Variants in ARHGAP42 observed in about 807,000 individuals in gnomAD.
The protein encoded by ARHGAP42 is rho GTPase-activating protein 42.
Under a neutral mutation model 125.0 loss-of-function variants are expected in ARHGAP42, and 63 were observed. That is an observed-to-expected ratio of 0.50 (90% CI 0.41 to 0.62). The LOEUF is 0.62. ARHGAP42 is among the 20% of genes least tolerant of loss of function. The pLI, the probability that ARHGAP42 is intolerant of heterozygous loss-of-function variation, is 0.00. For missense variants in ARHGAP42, 766 were observed against 1,024.2 expected, an observed-to-expected ratio of 0.75 and a Z score of 3.44; for synonymous variants, 339 against 351.0, an observed-to-expected ratio of 0.97 and a Z score of 0.38.
chr11:100,758,818 T>G (rs576484403), intron 1 of ARHGAP42, among the ~76,000 whole-genome samples: 1 of 152,292 alleles, frequency 6.6e-6, no homozygotes, highest in South Asian at 2.1e-4. Flanking sequence ...TTGCAGAGCT[T>G]AAGTAACCTA....
intron 17 of ARHGAP42, among the ~76,000 whole-genome samples, chr11:100,971,558 G>A (rs1858249399): frequency 6.6e-6 from 1 of 152,094 alleles, no homozygotes; most frequent in South Asian, 2.1e-4. Flanking sequence ...TCAATAAAAA[G>A]AAAATCAGTC....
At chr11:100,956,423 T>C (rs771093431) in intron 12 of ARHGAP42, among the ~76,000 whole-genome samples, 1 of 152,122 alleles carries the variant, frequency 6.6e-6, no homozygotes, top group Non-Finnish European at 1.5e-5. Context: ...GAACTTGAGT[T>C]GATAGAGAAG....
chr11:100,810,990 G>C (rs1226910284), intron 3 of ARHGAP42, among the ~76,000 whole-genome samples: 2 of 152,058 alleles, frequency 1.3e-5, no homozygotes, highest in African/African-American at 2.4e-5. Context: ...GAGTCTCACT[G>C]TGTTACCCCG....
At chr11:100,860,533 GCA>G (rs1465947831) in intron 4 of ARHGAP42, among the ~76,000 whole-genome samples, 2 of 151,968 alleles carry the variant, frequency 1.3e-5, no homozygotes, top group African/African-American at 2.4e-5. Flanking sequence ...CCACCAGCAG[GCA>G]CAGTTTTCTG....
chr11:100,811,869 G>A (rs1397244638), intron 3 of ARHGAP42, among the ~76,000 whole-genome samples: 2 of 152,102 alleles, frequency 1.3e-5, no homozygotes, highest in African/African-American at 4.8e-5. Flanking sequence ...TTAGCCCTGA[G>A]TTCACTACCT....
At chr11:100,845,076 G>GAT (rs148986702) in intron 3 of ARHGAP42, among the ~76,000 whole-genome samples, 2,328 of 148,434 alleles carry the variant, frequency 0.016, 22 homozygotes, top group African/African-American at 0.019. Flanking sequence ...AAGAAACTGT[G>GAT]ATATATATAT....
chr11:100,787,448 T>G (rs1863463598), intron 2 of ARHGAP42, among the ~76,000 whole-genome samples: 1 of 152,174 alleles, frequency 6.6e-6, no homozygotes, highest in East Asian at 1.9e-4. Context: ...AATTACCCAG[T>G]CTCATGTAGT....
intron 2 of ARHGAP42, among the ~76,000 whole-genome samples, chr11:100,785,664 C>T (rs1261836657): frequency 1.3e-5 from 2 of 152,092 alleles, no homozygotes; most frequent in African/African-American, 4.8e-5. Flanking sequence ...GAGGTCAGTT[C>T]CTGATGGCAG....
chr11:100,726,324 A>T (rs995946908), intron 1 of ARHGAP42, among the ~76,000 whole-genome samples: 1 of 152,078 alleles, frequency 6.6e-6, no homozygotes, highest in African/African-American at 2.4e-5. Flanking sequence ...TTACATGTGG[A>T]GATACTGGTG....
At chr11:100,890,434 A>T (rs1866190031) in intron 4 of ARHGAP42, among the ~76,000 whole-genome samples, 1 of 152,176 alleles carries the variant, frequency 6.6e-6, no homozygotes, top group African/African-American at 2.4e-5. Context: ...AATTTACAAG[A>T]AGTTACCTCA....
At chr11:100,776,379 A>T (rs1863120742) in intron 2 of ARHGAP42, among the ~76,000 whole-genome samples, 1 of 152,170 alleles carries the variant, frequency 6.6e-6, no homozygotes, top group Non-Finnish European at 1.5e-5. Context: ...TCAAGAGATT[A>T]AACATTTACC....
At chr11:100,978,748 T>C (rs1045278198) in intron 21 of ARHGAP42, among the ~76,000 whole-genome samples, 3 of 152,142 alleles carry the variant, frequency 2.0e-5, no homozygotes, top group African/African-American at 7.2e-5. Context: ...AGGATGAGGA[T>C]AGTAAGATCC....
chr11:100,717,680 CT>C (rs1386247195), intron 1 of ARHGAP42, among the ~76,000 whole-genome samples: 1 of 142,416 alleles, frequency 7.0e-6, no homozygotes, highest in Non-Finnish European at 1.5e-5. Flanking sequence ...AATTCCAGCA[CT>C]TTGGGAGGCT....
intron 1 of ARHGAP42, among the ~76,000 whole-genome samples, chr11:100,757,875 A>G (rs1391743909): frequency 6.6e-6 from 1 of 152,196 alleles, no homozygotes; most frequent in Non-Finnish European, 1.5e-5. Flanking sequence ...AGGATGAGGC[A>G]TGATGCCAGC....
chr11:100,942,323 C>A (rs761439899), intron 9 of ARHGAP42, among the ~76,000 whole-genome samples: 1 of 152,106 alleles, frequency 6.6e-6, no homozygotes, highest in Non-Finnish European at 1.5e-5. Flanking sequence ...ATACTGTTAA[C>A]CAAAATGCTG....
chr11:100,704,492 C>G (rs1861446792), intron 1 of ARHGAP42, among the ~76,000 whole-genome samples: 1 of 152,162 alleles, frequency 6.6e-6, no homozygotes, highest in Non-Finnish European at 1.5e-5. Flanking sequence ...CTCTTGGGTG[C>G]ACAGCCTTTT....
chr11:100,869,166 A>G (rs1004406364), intron 4 of ARHGAP42, among the ~76,000 whole-genome samples: 15 of 152,082 alleles, frequency 9.9e-5, no homozygotes, highest in Non-Finnish European at 1.9e-4. Context: ...AGGCATCTAG[A>G]TGAACATTAC....
chr11:100,986,899 C>T (rs1858692055), intron 22 of ARHGAP42, among the ~76,000 whole-genome samples: 2 of 151,532 alleles, frequency 1.3e-5, no homozygotes, highest in Non-Finnish European at 2.9e-5. Flanking sequence ...CATATAGTGA[C>T]AGAGGTTGGG....
chr11:100,732,862 T>G (rs1015887608), intron 1 of ARHGAP42, among the ~76,000 whole-genome samples: 1 of 152,242 alleles, frequency 6.6e-6, no homozygotes, highest in Non-Finnish European at 1.5e-5. Context: ...CAGCCTGCCT[T>G]AAAATCTTGA....
Sources: allele counts gnomAD v4.1 joint callset (sites outside exome capture counted in the v4.1 genomes callset), GRCh38; gene constraint gnomAD v4.1.1; transcripts MANE v1.5; gene names NCBI Gene and HGNC (gene_info 2026-07-23, HGNC 2026-07-21).